Variants in GSDMC observed in about 807,000 individuals in gnomAD.
GSDMC encodes gasdermin C, also known as gasdermin-C.
In GSDMC, 59 loss-of-function variants were observed where a neutral mutation model predicts 58.0. That is an observed-to-expected ratio of 1.02 (90% CI 0.82 to 1.26). The LOEUF is 1.26. Ranked by LOEUF, GSDMC falls within the 50% of genes most tolerant of loss-of-function variation. GSDMC has a pLI of 0.00. For synonymous variants in GSDMC, 241 were observed against 220.2 expected (o/e 1.09, Z -0.83); for missense variants, 659 against 598.5 (o/e 1.10, Z -1.06).
intron 6 of GSDMC, among the ~76,000 whole-genome samples, chr8:129,759,583 A>G (rs888389169): frequency 2.0e-5 from 3 of 152,242 alleles, no homozygotes; most frequent in Non-Finnish European, 4.4e-5. Context: ...AAAAGAAGAC[A>G]TACGAATAGC....
the GSDMC span, among the ~76,000 whole-genome samples, chr8:129,731,022 A>C: frequency 6.6e-6 from 1 of 152,234 alleles, no homozygotes; most frequent in Non-Finnish European, 1.5e-5. Context: ...CATTATGAAA[A>C]ACTTTAAACA....
chr8:129,716,253 T>C, the GSDMC span, among the ~76,000 whole-genome samples: 2 of 152,166 alleles, frequency 1.3e-5, no homozygotes, highest in Non-Finnish European at 2.9e-5. Flanking sequence ...TCATATGCTT[T>C]CTACAAGAAA....
the GSDMC span, among the ~76,000 whole-genome samples, chr8:129,742,231 C>T: frequency 6.6e-6 from 1 of 151,914 alleles, no homozygotes; most frequent in East Asian, 1.9e-4. Flanking sequence ...TATTGTACAA[C>T]AGGGTGACCA....
the GSDMC span, among the ~76,000 whole-genome samples, chr8:129,734,804 AC>A: frequency 6.6e-6 from 1 of 152,234 alleles, no homozygotes; most frequent in East Asian, 1.9e-4. Context: ...TCAAATTCAC[AC>A]ATAAAAATAT....
At chr8:129,772,098 A>C (rs2034073821) in intron 3 of GSDMC, among the ~76,000 whole-genome samples, 1 of 152,034 alleles carries the variant, frequency 6.6e-6, no homozygotes, top group African/African-American at 2.4e-5. Context: ...CTCCGTCTCT[A>C]CTAAAAATAC....
the GSDMC span, among the ~76,000 whole-genome samples, chr8:129,725,028 T>C: frequency 6.6e-6 from 1 of 152,170 alleles, no homozygotes; most frequent in African/African-American, 2.4e-5. Context: ...TTGAACAAGT[T>C]AACCCTTCAG....
the GSDMC span, among the ~76,000 whole-genome samples, chr8:129,717,687 A>G: frequency 6.6e-6 from 1 of 152,212 alleles, no homozygotes; most frequent in Admixed American, 6.5e-5. Context: ...TTTCATATGG[A>G]ACCAAAAAAG....
At chr8:129,743,423 C>T (rs1305806126), downstream of GSDMC, among the ~76,000 whole-genome samples, 3 of 152,064 alleles carry the variant, frequency 2.0e-5, no homozygotes, top group South Asian at 2.1e-4. Flanking sequence ...CATTCCATTT[C>T]GTTATTTTCA....
the GSDMC span, among the ~76,000 whole-genome samples, chr8:129,714,659 C>A: frequency 1.6e-4 from 24 of 150,998 alleles, no homozygotes; most frequent in African/African-American, 5.8e-4. Flanking sequence ...TAAATAAACA[C>A]ACAGATTTTA....
chr8:129,705,831 A>G, the GSDMC span, among the ~76,000 whole-genome samples: 1 of 152,160 alleles, frequency 6.6e-6, no homozygotes, highest in Non-Finnish European at 1.5e-5. Flanking sequence ...TTTGTCTTCA[A>G]ATATAGGAAG....
At chr8:129,707,787 C>G in the GSDMC span, among the ~76,000 whole-genome samples, 1 of 152,238 alleles carries the variant, frequency 6.6e-6, no homozygotes, top group South Asian at 2.1e-4. Flanking sequence ...CGCTTTTCAT[C>G]AACCATCATT....
the GSDMC span, chr8:129,728,978 G>A: frequency 9.0e-6 from 6 of 668,888 alleles, no homozygotes; most frequent in Non-Finnish European, 1.7e-5. Flanking sequence ...AGGAGCAGGA[G>A]CTGCGGGAGA....
the GSDMC span, among the ~76,000 whole-genome samples, chr8:129,709,912 C>A: frequency 6.6e-6 from 1 of 152,174 alleles, no homozygotes; most frequent in Admixed American, 6.5e-5. Context: ...GAGGTCTCAG[C>A]TTTATTGTGG....
chr8:129,754,041 C>A (rs1045901155), intron 6 of GSDMC, among the ~76,000 whole-genome samples: 2 of 152,242 alleles, frequency 1.3e-5, no homozygotes, highest in African/African-American at 4.8e-5. Flanking sequence ...TCCCAAACAG[C>A]ATCTCTGTAC....
At chr8:129,709,592 A>ATAGCTAGC in the GSDMC span, among the ~76,000 whole-genome samples, 1 of 94,926 alleles carries the variant, frequency 1.1e-5, no homozygotes, top group Non-Finnish European at 2.5e-5. Flanking sequence ...TAGATAGATG[A>ATAGCTAGC]TAGATAGATA....
chr8:129,726,908 A>G, the GSDMC span, among the ~76,000 whole-genome samples: 1 of 152,044 alleles, frequency 6.6e-6, no homozygotes, highest in Non-Finnish European at 1.5e-5. Context: ...CAGCTTTTAT[A>G]TAAATGACCA....
the GSDMC span, among the ~76,000 whole-genome samples, chr8:129,716,665 G>A: frequency 6.6e-6 from 1 of 152,312 alleles, no homozygotes; most frequent in African/African-American, 2.4e-5. Context: ...TTGAATAGGA[G>A]TGGTGAGAGA....
chr8:129,769,277 A>C (rs777478544), intron 3 of GSDMC, among the ~76,000 whole-genome samples: 1 of 152,230 alleles, frequency 6.6e-6, no homozygotes, highest in African/African-American at 2.4e-5. Context: ...GAGAGTAACA[A>C]GAGAAAAGCT....
chr8:129,723,999 C>G, the GSDMC span, among the ~76,000 whole-genome samples: 37 of 152,326 alleles, frequency 2.4e-4, no homozygotes, highest in African/African-American at 7.9e-4. Flanking sequence ...GGCACAAAAG[C>G]TTGCTTTTGC....
Sources: gnomAD v4.1 joint callset for allele counts (sites outside exome capture counted in the v4.1 genomes callset) on GRCh38, gnomAD v4.1.1 for gene constraint, MANE v1.5 for transcripts, NCBI Gene and HGNC (gene_info 2026-07-23, HGNC 2026-07-21) for gene names.